PPP1R14C: variants seen among roughly 807,000 people sequenced by gnomAD.
PPP1R14C encodes protein phosphatase 1 regulatory subunit 14C.
In PPP1R14C, 16 loss-of-function variants were observed where a neutral mutation model predicts 20.4. The observed-to-expected ratio is 0.78, with a 90% CI of 0.53 to 1.19. The LOEUF is 1.19. PPP1R14C is among the 50% of genes most tolerant of loss of function. The pLI is 0.00. For synonymous variants in PPP1R14C, 91 were observed against 91.0 expected (o/e 1.00, Z 0.00); for missense variants, 211 against 220.1 (o/e 0.96, Z 0.26).
intron 3 of PPP1R14C, among the ~76,000 whole-genome samples, chr6:150,244,168 T>TACA (rs536878311): frequency 9.5e-5 from 14 of 146,978 alleles, no homozygotes; most frequent in African/African-American, 3.5e-4. Flanking sequence ...ATAAAGCTGC[T>TACA]AAAAAAAAAA....
At position 150,209,422 on chromosome 6, in the gene PPP1R14C, G is replaced by A. The variant is rs199992636; in HGVS notation, c.307-5322G>A. On this transcript the variant is annotated intron_variant, in intron 1 of 3. Transcript: ENST00000361131. Reference sequence around the variant, plus strand: ...TAGTTAGAAGTGTGTGTATATATCTGTGTGTTTATTTGTGTATGTGTGTAT... The same window carrying A: ...TAGTTAGAAGTGTGTGTATATATCTATGTGTTTATTTGTGTATGTGTGTAT... Among the ~76,000 whole-genome samples the A allele has an allele frequency of 2.6e-3, 356 of 136,662 alleles. 1 individual carries two copies. The highest frequency in any genetic ancestry group is 8.3e-3 in the African/African-American group (336 of 40,394). 89.7% of individuals were successfully genotyped at this position (136,662 alleles called of 152,430 possible).
intron 1 of PPP1R14C, among the ~76,000 whole-genome samples, chr6:150,179,331 C>T (rs952266702): frequency 4.7e-5 from 7 of 149,328 alleles, no homozygotes; most frequent in Admixed American, 6.7e-5. Context: ...TTCAAGGCTG[C>T]GATGAGCTAT....
intron 1 of PPP1R14C, among the ~76,000 whole-genome samples, chr6:150,150,842 T>C (rs1777237927): frequency 6.6e-6 from 1 of 151,834 alleles, no homozygotes; most frequent in Admixed American, 6.6e-5. Flanking sequence ...CAAGTTGAAG[T>C]CTCTCTCTTC....
At chr6:150,242,925 GT>G (rs1778449235) in intron 3 of PPP1R14C, among the ~76,000 whole-genome samples, 1 of 152,088 alleles carries the variant, frequency 6.6e-6, no homozygotes, top group Admixed American at 6.5e-5. Flanking sequence ...AAAATATACT[GT>G]TTACAATAAC....
intron 3 of PPP1R14C, among the ~76,000 whole-genome samples, chr6:150,224,520 A>T (rs1778207310): frequency 1.3e-5 from 2 of 152,210 alleles, no homozygotes; most frequent in Non-Finnish European, 2.9e-5. Context: ...AGATATCCTC[A>T]AGCTTAAAGA....
intron 1 of PPP1R14C, among the ~76,000 whole-genome samples, chr6:150,209,514 G>T (rs763171077): frequency 6.6e-5 from 10 of 151,638 alleles, no homozygotes; most frequent in Non-Finnish European, 1.5e-4. Context: ...TTGTGTATGT[G>T]TTTGTGTGTG....
chr6:150,217,498 C>T (rs1469820346), intron 3 of PPP1R14C, among the ~76,000 whole-genome samples: 2 of 151,702 alleles, frequency 1.3e-5, no homozygotes, highest in East Asian at 1.9e-4. Flanking sequence ...CCCGGCCTAT[C>T]GGTATGTATT....
intron 1 of PPP1R14C, among the ~76,000 whole-genome samples, chr6:150,148,562 C>T (rs369583318): frequency 2.6e-4 from 40 of 152,314 alleles, no homozygotes; most frequent in African/African-American, 9.6e-4. Flanking sequence ...TCCTGGATTT[C>T]CACAGACTTT....
chr6:150,169,382 GA>G (rs577538649), intron 1 of PPP1R14C, among the ~76,000 whole-genome samples: 14 of 151,736 alleles, frequency 9.2e-5, no homozygotes, highest in African/African-American at 3.4e-4. Flanking sequence ...AGTAGAAGAG[GA>G]AAAAAAATTA....
chr6:150,147,301 T>C lies in PPP1R14C; in HGVS notation c.306+3803T>C, dbSNP rs368488331. On this transcript the variant is annotated intron_variant, in intron 1 of 3. Transcript: ENST00000361131. Reference sequence around the variant, plus strand: ...TTCAAACGATTCTCCTGCTTCTGCCTCCTGAGTAGCTGGGGCTGCAGATGC... The same window carrying C: ...TTCAAACGATTCTCCTGCTTCTGCCCCCTGAGTAGCTGGGGCTGCAGATGC... Among the ~76,000 whole-genome samples the C allele has an allele frequency of 5.9e-5, 9 of 152,226 alleles. No individual in the cohort carries two copies. The East Asian group carries it at 1.2e-3, about 20-fold the overall frequency.
intron 3 of PPP1R14C, among the ~76,000 whole-genome samples, chr6:150,231,147 C>T (rs372504681): frequency 1.4e-4 from 21 of 152,302 alleles, no homozygotes; most frequent in African/African-American, 5.1e-4. Flanking sequence ...GGTAGAAACT[C>T]CAGGGGGAGA....
intron 3 of PPP1R14C, among the ~76,000 whole-genome samples, chr6:150,226,141 C>G (rs1410965492): frequency 6.6e-6 from 1 of 151,916 alleles, no homozygotes; most frequent in Non-Finnish European, 1.5e-5. Context: ...ATTCAGTCTG[C>G]GGACTCTTGT....
At chr6:150,163,247 C>T (rs10214734) in intron 1 of PPP1R14C, among the ~76,000 whole-genome samples, 109,138 of 151,860 alleles carry the variant, frequency 0.72, 39,573 homozygotes, top group East Asian at 0.9. Context: ...AAAAATTAGC[C>T]GGGCATGGTG....
chr6:150,149,451 TTTTC>T (rs1312463713), intron 1 of PPP1R14C, among the ~76,000 whole-genome samples: 1,741 of 48,448 alleles, frequency 0.036, 102 homozygotes, highest in African/African-American at 0.16. Flanking sequence ...TAATTTTTTT[TTTTC>T]TTTTTTTTTT....
chr6:150,230,550 TTTG>T (rs1002672382), intron 3 of PPP1R14C, among the ~76,000 whole-genome samples: 2 of 152,112 alleles, frequency 1.3e-5, no homozygotes, highest in South Asian at 2.1e-4. Flanking sequence ...TGGGTCTTTT[TTTG>T]TTGTTGTTGT....
chr6:150,216,572 T>A (rs978786981), intron 2 of PPP1R14C, among the ~76,000 whole-genome samples: 132 of 146,500 alleles, frequency 9.0e-4, no homozygotes, highest in Admixed American at 2.4e-3. Flanking sequence ...AAAAAAAAAA[T>A]AAATATTTTC....
chr6:150,180,886 C>T (rs1777614113), intron 1 of PPP1R14C, among the ~76,000 whole-genome samples: 1 of 152,148 alleles, frequency 6.6e-6, no homozygotes, highest in African/African-American at 2.4e-5. Context: ...AAATAAGAGA[C>T]AATCTGGTAC....
chr6:150,151,839 G>A (rs1426218970), intron 1 of PPP1R14C, among the ~76,000 whole-genome samples: 2 of 152,110 alleles, frequency 1.3e-5, no homozygotes, highest in African/African-American at 4.8e-5. Flanking sequence ...TGCTGATTGC[G>A]GCCGGGCGCG....
At chr6:150,244,967 GC>G (rs780552000) in intron 3 of PPP1R14C, among the ~76,000 whole-genome samples, 4 of 152,132 alleles carry the variant, frequency 2.6e-5, no homozygotes, top group Non-Finnish European at 4.4e-5. Flanking sequence ...ATGAGCTGAG[GC>G]CCAAAGTCAT....
Sources: gnomAD v4.1 joint callset for allele counts (sites outside exome capture counted in the v4.1 genomes callset) on GRCh38, gnomAD v4.1.1 for gene constraint, MANE v1.5 for transcripts, NCBI Gene and HGNC (gene_info 2026-07-23, HGNC 2026-07-21) for gene names.